Variants in VTCN1 observed in about 807,000 individuals in gnomAD.
VTCN1 encodes the protein V-set domain containing T cell activation inhibitor 1.
VTCN1 carries 26 observed loss-of-function variants against 26.5 expected under a neutral mutation model. The ratio of observed to expected loss-of-function variants is 0.98; its 90% CI spans 0.72 to 1.36. The LOEUF is 1.36. Ranked by LOEUF, VTCN1 falls within the 40% of genes most tolerant of loss-of-function variation. The pLI is 0.00. For synonymous variants in VTCN1, 116 were observed against 130.7 expected (o/e 0.89, Z 0.77); for missense variants, 298 against 337.7 (o/e 0.88, Z 0.92).
chr1:117,146,670 A>G lies in VTCN1; in HGVS notation c.*45+943T>C, dbSNP rs1379909495. The stretch of plus-strand genomic sequence containing the variant: ...CAGAAAGTAATGGTAGTTAGCAGGT[A>G]GTGGTAGGCAGCAGTAGTGGTAGGT... On this transcript the variant is annotated intron_variant, in intron 5 of 5. Transcript: ENST00000369458. The surrounding 1 kb of genome is among the most constrained non-coding windows in gnomAD (Gnocchi z 4.2). Among the ~76,000 whole-genome samples the G allele has an allele frequency of 6.6e-6, 1 of 152,172 alleles. No homozygotes were observed. Among genetic ancestry groups the G allele is most frequent in the Non-Finnish European group, 1.5e-5 (1 of 68,020 alleles).
intron 1 of VTCN1, chr1:117,173,073 G>A (rs1653008813): frequency 2.9e-6 from 2 of 696,114 alleles, no homozygotes. Flanking sequence ...CACTTACCGT[G>A]AAGGACCGCA....
At chr1:117,190,289 T>G (rs1305283733) in intron 1 of VTCN1, among the ~76,000 whole-genome samples, 1 of 152,220 alleles carries the variant, frequency 6.6e-6, no homozygotes, top group Non-Finnish European at 1.5e-5. Flanking sequence ...TCAGCATTTT[T>G]CAGGCTGTGG....
At chr1:117,168,034 G>T (rs1325669844) in intron 2 of VTCN1, among the ~76,000 whole-genome samples, 2 of 151,946 alleles carry the variant, frequency 1.3e-5, no homozygotes, top group Non-Finnish European at 2.9e-5. Flanking sequence ...AACAGGAAAA[G>T]AAATAAATTA....
intron 2 of VTCN1, among the ~76,000 whole-genome samples, chr1:117,162,766 G>T (rs990302287): frequency 6.6e-6 from 1 of 152,124 alleles, no homozygotes; most frequent in Non-Finnish European, 1.5e-5. Flanking sequence ...AGCAGCTCTG[G>T]GTTCACACAG....
chr1:117,177,152 ATTTC>A (rs1048062033), intron 1 of VTCN1, among the ~76,000 whole-genome samples: 3 of 152,002 alleles, frequency 2.0e-5, no homozygotes, highest in Admixed American at 6.6e-5. Flanking sequence ...GGGAAAGGAA[ATTTC>A]TTTATGGGGA....
intron 1 of VTCN1, among the ~76,000 whole-genome samples, chr1:117,203,247 G>T (rs761206658): frequency 9.9e-5 from 15 of 152,010 alleles, no homozygotes; most frequent in Non-Finnish European, 1.9e-4. Flanking sequence ...AGGCTGGGGT[G>T]GGGAGAAGGG....
chr1:117,194,987 C>T (rs751300807), intron 1 of VTCN1, among the ~76,000 whole-genome samples: 4 of 151,914 alleles, frequency 2.6e-5, no homozygotes, highest in African/African-American at 7.3e-5. Flanking sequence ...TTTTGTAGGC[C>T]GGGCACGGTG....
intron 1 of VTCN1, chr1:117,203,753 G>T (rs984133410): frequency 8.1e-5 from 80 of 985,356 alleles, no homozygotes; most frequent in Middle Eastern, 5.2e-4. Flanking sequence ...AAATCCTTGT[G>T]CTTTTCTGGA....
chr1:117,209,553 C>T (rs1353604130), intron 1 of VTCN1, among the ~76,000 whole-genome samples: 1 of 152,184 alleles, frequency 6.6e-6, no homozygotes, highest in African/African-American at 2.4e-5. Context: ...CTCTAAGACA[C>T]CTAGTGCAGG....
At chr1:117,157,035 A>C in intron 2 of VTCN1, 114 bp from the exon 3 acceptor site, 1 of 1,590,722 alleles carries the variant, frequency 6.3e-7, no homozygotes, top group African/African-American at 1.3e-5. Context: ...AAAATACAGA[A>C]GAACATGAGA....
intron 1 of VTCN1, among the ~76,000 whole-genome samples, chr1:117,181,253 C>CAA (rs5777301): frequency 1.4e-3 from 180 of 126,892 alleles, no homozygotes; most frequent in Middle Eastern, 8.1e-3. Context: ...CCTGTCTTTA[C>CAA]AAAAAAAAAA....
chr1:117,162,968 TAG>T (rs1482712049), intron 2 of VTCN1, among the ~76,000 whole-genome samples: 1 of 152,164 alleles, frequency 6.6e-6, no homozygotes, highest in Non-Finnish European at 1.5e-5. Context: ...TCCAGTAGCA[TAG>T]AGAGCATGCT....
chr1:117,160,645 C>T (rs1392129244), intron 2 of VTCN1, among the ~76,000 whole-genome samples: 2 of 152,176 alleles, frequency 1.3e-5, no homozygotes, highest in Non-Finnish European at 1.5e-5. Flanking sequence ...TTTCATAGTC[C>T]ATTCTGTCTG....
chr1:117,196,130 C>A (rs960481450), intron 1 of VTCN1, among the ~76,000 whole-genome samples: 2 of 151,706 alleles, frequency 1.3e-5, no homozygotes, highest in Admixed American at 6.6e-5. Context: ...CCAGGTGAGG[C>A]AACAAAGTGA....
At position 117,182,339 on chromosome 1, in the gene VTCN1, A is replaced by G. The variant is rs142519436; in HGVS notation, c.33-12168T>C. Among the ~76,000 whole-genome samples the G allele has an allele frequency of 2.9e-3, 439 of 152,304 alleles. 1 individual carries two copies. Among genetic ancestry groups the G allele is most frequent in the African/African-American group, 0.01 (423 of 41,558 alleles). On this transcript the variant is annotated intron_variant, in intron 1 of 5. Transcript: ENST00000369458. The stretch of plus-strand genomic sequence containing the variant: ...TCCAAAAGATCTACCAGGAGTTCCA[A>G]TGCAAATCCTCGCCTGCTGGGACCT...
intron 4 of VTCN1, among the ~76,000 whole-genome samples, chr1:117,152,406 G>T (rs1280870564): frequency 6.6e-6 from 1 of 152,144 alleles, no homozygotes; most frequent in African/African-American, 2.4e-5. Flanking sequence ...CCCCAGGAAG[G>T]ATGGTCTTAA....
chr1:117,167,421 G>A lies in VTCN1; in HGVS notation c.97+2686C>T, dbSNP rs1004092849. On this transcript the variant is annotated intron_variant, in intron 2 of 5. Coordinates refer to ENST00000369458, the MANE Select transcript of VTCN1 (RefSeq NM_024626.4). The surrounding 1 kb of genome is among the most constrained non-coding windows in gnomAD (Gnocchi z 4.1). ...ACCTTTGACCAGCAGAGATCCATTTGCCTGTTTTTGAACTTCATATGCATA... is the reference window on the plus strand; with the variant it reads ...ACCTTTGACCAGCAGAGATCCATTTACCTGTTTTTGAACTTCATATGCATA... Among the ~76,000 whole-genome samples, 2 of 152,134 alleles carry A rather than the reference G, an allele frequency of 1.3e-5. No individual in the cohort carries two copies. Among genetic ancestry groups the A allele is most frequent in the African/African-American group, 4.8e-5 (2 of 41,422 alleles).
rs562838452 is a variant in VTCN1, at chr1:117,144,339, T to C, written c.*932A>G. The C allele has an allele frequency of 3.9e-5, 6 of 152,258 alleles. No homozygotes were observed. The highest frequency in any genetic ancestry group is 3.3e-4 in the Admixed American group (5 of 15,288). 9.4% of individuals were successfully genotyped at this position (152,258 alleles called of 1,614,324 possible). On this transcript the variant is annotated 3_prime_UTR_variant, in exon 6 of 6. Coordinates refer to ENST00000369458, the MANE Select transcript of VTCN1 (RefSeq NM_024626.4). The stretch of plus-strand genomic sequence containing the variant: ...ACTGTATCCTCCTCCACTCCCTCAT[T>C]GAGGTAACCAAAATTGTCTTCAGAC...
rs562114363 is a variant in VTCN1, at chr1:117,183,429, C to A, written c.33-13258G>T. On this transcript the variant is annotated intron_variant, in intron 1 of 5. Coordinates refer to ENST00000369458, the MANE Select transcript of VTCN1 (RefSeq NM_024626.4). This position sits in a 1 kb window ranked among gnomAD's most constrained non-coding sequence, Gnocchi z 4.1. ...TAACACATTCTTAACTTTTGAGAAA[C>A]CATTTATGGGAGAAATGATCATTTA... Among the ~76,000 whole-genome samples the A allele has an allele frequency of 1.3e-5, 2 of 152,238 alleles. No homozygotes were observed. The highest frequency in any genetic ancestry group is 4.1e-4 in the South Asian group (2 of 4,828).
Sources: allele counts gnomAD v4.1 joint callset (sites outside exome capture counted in the v4.1 genomes callset), GRCh38; gene constraint gnomAD v4.1.1; non-coding constraint Gnocchi (gnomAD v3.1); transcripts MANE v1.5; gene names NCBI Gene and HGNC (gene_info 2026-07-23, HGNC 2026-07-21).